The following SCAPER variants were observed in gnomAD, a reference collection of about 807,000 sequenced individuals.
The protein encoded by SCAPER is S phase cyclin A-associated protein in the endoplasmic reticulum.
In SCAPER, 98 loss-of-function variants were observed where a neutral mutation model predicts 182.2. The observed-to-expected ratio is 0.54, with a 90% CI of 0.46 to 0.64. The LOEUF is 0.64. SCAPER is among the 30% of genes least tolerant of loss of function. The pLI is 0.00. For missense variants in SCAPER, 1,432 were observed against 1,690.0 expected, an observed-to-expected ratio of 0.85 and a Z score of 2.68; for synonymous variants, 605 against 564.6, an observed-to-expected ratio of 1.07 and a Z score of -1.01.
chr15:76,383,699 T>G (rs1266630131), intron 27 of SCAPER, among the ~76,000 whole-genome samples: 1 of 152,134 alleles, frequency 6.6e-6, no homozygotes, highest in African/African-American at 2.4e-5. Context: ...TCATACAAAT[T>G]TTTAGTGGCA....
chr15:76,721,423 C>T (rs889638951), intron 17 of SCAPER, among the ~76,000 whole-genome samples: 2 of 151,544 alleles, frequency 1.3e-5, no homozygotes, highest in African/African-American at 4.9e-5. Flanking sequence ...TTTTTTGGTT[C>T]CATATGAACT....
chr15:76,691,445 G>A (rs1245814821), intron 20 of SCAPER, among the ~76,000 whole-genome samples: 2 of 151,852 alleles, frequency 1.3e-5, no homozygotes, highest in African/African-American at 2.4e-5. Context: ...AAATTCAAAC[G>A]GTTATTTTTG....
At chr15:76,729,723 C>T (rs1268748519) in intron 16 of SCAPER, among the ~76,000 whole-genome samples, 1 of 152,064 alleles carries the variant, frequency 6.6e-6, no homozygotes, top group Non-Finnish European at 1.5e-5. Context: ...TTATAAAGCA[C>T]AGATGAGCTA....
At chr15:76,584,305 T>C (rs1433124934) in intron 22 of SCAPER, among the ~76,000 whole-genome samples, 2 of 152,158 alleles carry the variant, frequency 1.3e-5, no homozygotes, top group Non-Finnish European at 2.9e-5. Context: ...CATTAATAAG[T>C]ACAAACATAT....
intron 4 of SCAPER, among the ~76,000 whole-genome samples, chr15:76,842,733 G>T (rs1355392994): frequency 2.6e-5 from 4 of 152,122 alleles, no homozygotes; most frequent in Non-Finnish European, 5.9e-5. Context: ...CTTAGAGTAT[G>T]TATTATTACC....
chr15:76,815,828 G>A (rs182123146), intron 5 of SCAPER, among the ~76,000 whole-genome samples: 14 of 152,290 alleles, frequency 9.2e-5, no homozygotes, highest in Admixed American at 4.6e-4. Context: ...ACCCCAGTCC[G>A]TTGAAACATT....
intron 21 of SCAPER, among the ~76,000 whole-genome samples, chr15:76,625,776 G>C (rs1259502050): frequency 6.6e-6 from 1 of 152,082 alleles, no homozygotes; most frequent in African/African-American, 2.4e-5. Flanking sequence ...TCCACGGTGG[G>C]AATGTGGACT....
In SCAPER at chr15:76,733,327, A is replaced by C. The variant is rs760217492; in HGVS notation, c.1924T>G (p.Leu642Val). The C allele has an allele frequency of 6.2e-7, 1 of 1,613,642 alleles. No homozygotes were observed. The highest frequency in any genetic ancestry group is 2.2e-5 in the East Asian group (1 of 44,832). The change falls in exon 16 of 32, where the codon TTA becomes GTA. Residue 642 changes from leucine (L) to valine (V), a missense_variant. Around this residue, in one of 5 missense-constraint regions of SCAPER, gnomAD observed 88 missense variants for 184.2 expected, o/e 0.48. Transcript: ENST00000563290. ...TGTTCATATTCCTTCAATTTTGATA[A>C]AACATCATGACGTTTATTCTGGGCT... ...LEAQNKRHDV[L>V]SKLKEYEQRL...
At chr15:76,867,532 AGATGAACTAAG>A (rs1568371626) in intron 2 of SCAPER, among the ~76,000 whole-genome samples, 1 of 152,222 alleles carries the variant, frequency 6.6e-6, no homozygotes, top group African/African-American at 2.4e-5. Context: ...GTAAAACCAT[AGATGAACTAAG>A]GATGGCTAAA....
At chr15:76,464,835 C>T (rs1388181430) in intron 25 of SCAPER, among the ~76,000 whole-genome samples, 1 of 151,902 alleles carries the variant, frequency 6.6e-6, no homozygotes, top group East Asian at 1.9e-4. Context: ...TACTTTTTTC[C>T]TTAGTGCCTG....
intron 21 of SCAPER, among the ~76,000 whole-genome samples, chr15:76,642,147 C>A (rs2054155447): frequency 6.6e-6 from 1 of 152,074 alleles, no homozygotes; most frequent in South Asian, 2.1e-4. Flanking sequence ...GTTATAAAGC[C>A]CCAAATACAA....
intron 25 of SCAPER, among the ~76,000 whole-genome samples, chr15:76,460,564 A>T (rs2049089822): frequency 6.6e-6 from 1 of 152,150 alleles, no homozygotes; most frequent in South Asian, 2.1e-4. Flanking sequence ...TTTCACTAAA[A>T]TTGGAAAATA....
At chr15:76,873,327 AAGGAAGGCAGGCAGGCAGGC>A (rs1210105857) in intron 2 of SCAPER, among the ~76,000 whole-genome samples, 2,985 of 102,330 alleles carry the variant, frequency 0.029, 41 homozygotes, top group Middle Eastern at 0.038. Context: ...GGAAGGAAGG[AAGGAAGGCAGGCAGGCAGGC>A]AGGCAGGCAG....
chr15:76,607,435 T>C (rs1225080521), intron 22 of SCAPER, among the ~76,000 whole-genome samples: 2 of 152,252 alleles, frequency 1.3e-5, no homozygotes, highest in Non-Finnish European at 2.9e-5. Flanking sequence ...CCTTTGTCTC[T>C]GGCTGCTCTT....
At chr15:76,653,574 T>A (rs143404031) in intron 21 of SCAPER, among the ~76,000 whole-genome samples, 2 of 152,280 alleles carry the variant, frequency 1.3e-5, no homozygotes, top group Non-Finnish European at 2.9e-5. Flanking sequence ...AACCATCTCA[T>A]CTTCAACAAG....
chr15:76,543,469 C>T (rs944921978), intron 23 of SCAPER, among the ~76,000 whole-genome samples: 12 of 152,106 alleles, frequency 7.9e-5, no homozygotes, highest in African/African-American at 2.7e-4. Flanking sequence ...GTGTACACTC[C>T]GTGGTTTCAA....
At position 76,682,535 on chromosome 15, in the gene SCAPER, CTACGCCACCATAGCCAACATGAGTA is replaced by C. The variant is rs936073406; in HGVS notation, c.2509-16771_2509-16747del. Among the ~76,000 whole-genome samples, 159 of 152,324 alleles carry C rather than the reference CTACGCCACCATAGCCAACATGAGTA, an allele frequency of 1.0e-3. 2 individuals are homozygous for C. Among genetic ancestry groups the C allele is most frequent in the African/African-American group, 3.7e-3 (155 of 41,568 alleles). On this transcript the variant is annotated intron_variant, in intron 20 of 31. Transcript: ENST00000563290. ...GAAGGCCACAGTCCAGCTCCCACTG[CTACGCCACCATAGCCAACATGAGTA>C]TACCCCAAAACAGTGCGGCATTTGC...
rs554538349 is a variant in SCAPER, at chr15:76,536,642, T to C, written c.2839-31668A>G. On this transcript the variant is annotated intron_variant, in intron 23 of 31. Coordinates refer to ENST00000563290, the MANE Select transcript of SCAPER (RefSeq NM_020843.4). Reference sequence around the variant, plus strand: ...TGGGCAAAAACTGGAAGCATTCCCTTTGAAAACTGGCACAAGACAGGGATG... The same window carrying C: ...TGGGCAAAAACTGGAAGCATTCCCTCTGAAAACTGGCACAAGACAGGGATG... 5.9e-5 allele frequency among the ~76,000 whole-genome samples: 9 copies of C among 152,244 alleles called. No homozygotes were observed. The South Asian group carries it at 1.9e-3, about 32-fold the overall frequency.
rs140727564 is a variant in SCAPER at position 76,361,661 on chromosome 15, C to T, written c.3856-7521G>A. 2.0e-5 allele frequency among the ~76,000 whole-genome samples: 3 copies of T among 152,322 alleles called. No individual in the cohort carries two copies. The East Asian group carries it at 5.8e-4, about 29-fold the overall frequency. On this transcript the variant is annotated intron_variant, in intron 29 of 31. Transcript: ENST00000563290. The stretch of plus-strand genomic sequence containing the variant: ...GCGTGAGAATTAAAATTATTTTAAG[C>T]AGACATGAGAATTCAAAAAGTTGCC...
Sources: gnomAD v4.1 joint callset for allele counts (sites outside exome capture counted in the v4.1 genomes callset) on GRCh38, gnomAD v4.1.1 for gene constraint, gnomAD v4.1.1 regional missense constraint, MANE v1.5 for transcripts, NCBI Gene and HGNC (gene_info 2026-07-23, HGNC 2026-07-21) for gene names.